GRM8: variants seen among roughly 807,000 people sequenced by gnomAD.
The protein encoded by GRM8 is glutamate metabotropic receptor 8, also known as metabotropic glutamate receptor 8.
GRM8 carries 47 observed loss-of-function variants against 87.2 expected under a neutral mutation model. The observed-to-expected ratio is 0.54, with a 90% CI of 0.43 to 0.69. GRM8 has a LOEUF of 0.69. Among genes scored for constraint, GRM8 ranks in the 30% least tolerant of loss-of-function variants. The pLI is 0.00. For missense variants in GRM8, 1,019 were observed against 1,139.2 expected, an observed-to-expected ratio of 0.89 and a Z score of 1.52; for synonymous variants, 396 against 404.5, an observed-to-expected ratio of 0.98 and a Z score of 0.25.
chr7:126,448,706 A>G (rs947982228), intron 9 of GRM8, among the ~76,000 whole-genome samples: 19 of 151,972 alleles, frequency 1.3e-4, no homozygotes, highest in Admixed American at 1.1e-3. Flanking sequence ...TACTTTCTTA[A>G]GACAGCTTCT....
intron 7 of GRM8, among the ~76,000 whole-genome samples, chr7:126,658,591 G>T (rs1252414224): frequency 1.3e-5 from 2 of 151,828 alleles, no homozygotes; most frequent in Non-Finnish European, 2.9e-5. Context: ...TGAATCCTGT[G>T]GCATTGGGTT....
intron 3 of GRM8, chr7:126,981,605 G>A (rs1340342667): frequency 6.6e-6 from 1 of 152,084 alleles, no homozygotes; most frequent in Non-Finnish European, 1.5e-5. Flanking sequence ...CTATTCCTAT[G>A]GACAGATCTC....
chr7:126,614,388 T>C (rs1203421021), intron 7 of GRM8, among the ~76,000 whole-genome samples: 1 of 151,856 alleles, frequency 6.6e-6, no homozygotes, highest in African/African-American at 2.4e-5. Flanking sequence ...ATCACCATCA[T>C]CAAAGACCAA....
At chr7:126,466,162 A>T (rs1033983827) in intron 9 of GRM8, among the ~76,000 whole-genome samples, 59 of 151,764 alleles carry the variant, frequency 3.9e-4, no homozygotes, top group African/African-American at 1.4e-3. Flanking sequence ...TAATTTTCTT[A>T]AAAAAGGTAC....
intron 2 of GRM8, among the ~76,000 whole-genome samples, chr7:127,221,017 A>T (rs1796895089): frequency 6.6e-6 from 1 of 152,004 alleles, no homozygotes; most frequent in East Asian, 1.9e-4. Flanking sequence ...CAAGTCCCCA[A>T]AGTCACCTGC....
chr7:127,021,262 A>C (rs1586773525), intron 3 of GRM8, among the ~76,000 whole-genome samples: 1 of 151,710 alleles, frequency 6.6e-6, no homozygotes, highest in East Asian at 2.0e-4. Flanking sequence ...TTCCACTGAA[A>C]CCCTGCCCTC....
At chr7:126,981,207 A>C (rs754446677) in intron 3 of GRM8, 3 of 152,412 alleles carry the variant, frequency 2.0e-5, no homozygotes, top group Non-Finnish European at 2.9e-5. Flanking sequence ...AGGACTTCCA[A>C]AGTCAGGACA....
At chr7:126,858,687 C>T (rs1038838076) in intron 6 of GRM8, among the ~76,000 whole-genome samples, 2 of 152,180 alleles carry the variant, frequency 1.3e-5, no homozygotes, top group African/African-American at 4.8e-5. Flanking sequence ...TACTCCCGCC[C>T]TGCAAGAAAA....
intron 6 of GRM8, among the ~76,000 whole-genome samples, chr7:126,796,126 T>C (rs1019803924): frequency 6.6e-5 from 10 of 152,238 alleles, no homozygotes; most frequent in Admixed American, 2.6e-4. Flanking sequence ...TTAACAAGAA[T>C]ATATCTTCAT....
chr7:126,706,366 T>A (rs1438765067), intron 7 of GRM8, among the ~76,000 whole-genome samples: 1 of 152,106 alleles, frequency 6.6e-6, no homozygotes, highest in East Asian at 1.9e-4. Flanking sequence ...CTAGTTCCTG[T>A]CCAAAGGTCA....
intron 10 of GRM8, among the ~76,000 whole-genome samples, chr7:126,442,526 A>G (rs555762429): frequency 6.6e-6 from 1 of 152,120 alleles, no homozygotes; most frequent in South Asian, 2.1e-4. Context: ...ACACTGTTCA[A>G]TATTTTCAAC....
rs1173807124 is a variant in GRM8, at chr7:126,523,956, CTTCT to C, written c.2430+8992_2430+8995del. 5.3e-5 allele frequency among the ~76,000 whole-genome samples: 8 copies of C among 152,026 alleles called. No individual in the cohort carries two copies. In the East Asian group the frequency reaches 5.8e-4, roughly 11 times the overall value. ...ACTTCTCTATTTTGTTTCTAGATTC[CTTCT>C]AACAACGTAATATCAATTCAAAAAG... On this transcript the variant is annotated intron_variant, in intron 9 of 10. Coordinates refer to ENST00000339582, the MANE Select transcript of GRM8 (RefSeq NM_000845.3).
At chr7:127,133,147 C>T (rs1376768746) in intron 2 of GRM8, among the ~76,000 whole-genome samples, 1 of 150,986 alleles carries the variant, frequency 6.6e-6, no homozygotes, top group Non-Finnish European at 1.5e-5. Flanking sequence ...GGGCCAAGCG[C>T]GGTGGCTCAC....
chr7:126,583,788 C>T (rs2044828212), intron 8 of GRM8, among the ~76,000 whole-genome samples: 1 of 152,158 alleles, frequency 6.6e-6, no homozygotes, highest in African/African-American at 2.4e-5. Flanking sequence ...AGAATCTACT[C>T]CTGCTGACGA....
chr7:126,483,607 C>T (rs1317984873), intron 9 of GRM8, among the ~76,000 whole-genome samples: 1 of 151,104 alleles, frequency 6.6e-6, no homozygotes. Flanking sequence ...TATATATAAA[C>T]TTGTTATCTG....
chr7:127,230,783 C>T (rs1002669106), intron 2 of GRM8, among the ~76,000 whole-genome samples: 1 of 152,010 alleles, frequency 6.6e-6, no homozygotes, highest in Admixed American at 6.6e-5. Context: ...CAAGCTGGTA[C>T]CCTGATCTCA....
intron 9 of GRM8, among the ~76,000 whole-genome samples, chr7:126,497,843 G>A (rs976091449): frequency 3.3e-5 from 5 of 151,898 alleles, no homozygotes; most frequent in Non-Finnish European, 7.4e-5. Context: ...AGGGAGAAAT[G>A]GGCATCAGTA....
chr7:126,884,818 C>T (rs1025052465), intron 6 of GRM8, among the ~76,000 whole-genome samples: 6 of 152,064 alleles, frequency 3.9e-5, no homozygotes, highest in Admixed American at 3.3e-4. Context: ...ATCAAACAAC[C>T]CCACAAATAA....
intron 1 of GRM8, among the ~76,000 whole-genome samples, chr7:127,251,658 GA>G (rs1293344345): frequency 2.6e-5 from 4 of 151,428 alleles, no homozygotes; most frequent in Admixed American, 2.6e-4. Context: ...GCGCGCTGGG[GA>G]TGCAGCCTCC....
Sources: gnomAD v4.1 joint callset for allele counts (sites outside exome capture counted in the v4.1 genomes callset) on GRCh38, gnomAD v4.1.1 for gene constraint, MANE v1.5 for transcripts, NCBI Gene and HGNC (gene_info 2026-07-23, HGNC 2026-07-21) for gene names.